The following RBM47 variants were observed in gnomAD, a reference collection of about 807,000 sequenced individuals.
RBM47 encodes RNA-binding protein 47.
RBM47 carries 21 observed loss-of-function variants against 47.1 expected under a neutral mutation model. The ratio of observed to expected loss-of-function variants is 0.45; its 90% CI spans 0.32 to 0.64. The LOEUF (loss-of-function observed/expected upper bound fraction) is 0.64. RBM47 is among the 30% of genes least tolerant of loss of function. The probability of loss-of-function intolerance (pLI) is 0.05; values close to 1 mark genes in which losing one functional copy is unlikely to be tolerated. For missense variants in RBM47, 708 were observed against 870.9 expected, an observed-to-expected ratio of 0.81 and a Z score of 2.35; for synonymous variants, 375 against 361.7, an observed-to-expected ratio of 1.04 and a Z score of -0.42.
Position 40,437,687 on chromosome 4 carries a change from A to C in RBM47, c.1123+84T>G. On this transcript the variant is annotated intron_variant, in intron 4 of 6. Transcript: ENST00000295971. ...CCTTCAGCACCTACCAGCTCAGCAA[A>C]TGCCAGCCACGGTATCCCTGGTGCC... The C allele has an allele frequency of 2.2e-6, 3 of 1,392,722 alleles. No individual in the cohort carries two copies. The East Asian group carries it at 6.9e-5, about 32-fold the overall frequency. The allele number at this position is 1,392,722 out of a possible 1,614,324, so 86.3% of individuals were successfully genotyped here.
chr4:40,607,269 T>C (rs550232196), intron 1 of RBM47, among the ~76,000 whole-genome samples: 2 of 152,168 alleles, frequency 1.3e-5, no homozygotes, highest in Non-Finnish European at 2.9e-5. Flanking sequence ...AGGCCACATA[T>C]CGTATGGTTC....
intron 1 of RBM47, among the ~76,000 whole-genome samples, chr4:40,598,224 G>A (rs140515537): frequency 3.5e-4 from 53 of 152,206 alleles, no homozygotes; most frequent in African/African-American, 1.0e-3. Flanking sequence ...ATTTACCATT[G>A]ACCCCAATCA....
At chr4:40,600,999 A>AAGAAAGAAAG (rs1553907561) in intron 1 of RBM47, among the ~76,000 whole-genome samples, 4 of 147,284 alleles carry the variant, frequency 2.7e-5, no homozygotes, top group Admixed American at 6.7e-5. Context: ...AAAAAAAAAA[A>AAGAAAGAAAG]AAAGAAAGAA....
At chr4:40,593,802 C>T (rs1371181568) in intron 1 of RBM47, among the ~76,000 whole-genome samples, 3 of 150,436 alleles carry the variant, frequency 2.0e-5, no homozygotes, top group South Asian at 2.1e-4. Flanking sequence ...GAGAATGGCG[C>T]GAACCTGGGA....
chr4:40,479,530 GC>G (rs1342325456), intron 2 of RBM47, among the ~76,000 whole-genome samples: 1 of 152,114 alleles, frequency 6.6e-6, no homozygotes, highest in Non-Finnish European at 1.5e-5. Context: ...GGAGGTTGAG[GC>G]TGCAGTGAGC....
At chr4:40,608,569 A>T (rs1368361501) in intron 1 of RBM47, among the ~76,000 whole-genome samples, 1 of 152,212 alleles carries the variant, frequency 6.6e-6, no homozygotes, top group Non-Finnish European at 1.5e-5. Flanking sequence ...AATAGCAATA[A>T]AAAGCCCTTT....
chr4:40,570,916 C>T (rs892507474), intron 1 of RBM47, among the ~76,000 whole-genome samples: 23 of 151,826 alleles, frequency 1.5e-4, no homozygotes, highest in African/African-American at 4.8e-4. Flanking sequence ...CACCTACATA[C>T]GAAAATAAAA....
intron 1 of RBM47, among the ~76,000 whole-genome samples, chr4:40,569,571 G>A (rs1045499644): frequency 7.5e-5 from 11 of 145,800 alleles, no homozygotes; most frequent in Admixed American, 1.4e-4. Context: ...CACCACACCC[G>A]GCTAATTTTT....
At position 40,609,862 on chromosome 4, in the gene RBM47, A is replaced by G. The variant is rs188769262; in HGVS notation, c.-240+19534T>C. On this transcript the variant is annotated intron_variant, in intron 1 of 6. Transcript: ENST00000295971. ...GTAATCCCAGCATTTTGGGAGGCTG[A>G]GGAGGGCAGATCACCTGAGGTCAGG... 1.1e-4 allele frequency among the ~76,000 whole-genome samples: 17 copies of G among 151,818 alleles called. No homozygotes were observed. The East Asian group carries it at 3.4e-3, about 30-fold the overall frequency.
At chr4:40,606,037 A>T (rs1168697097) in intron 1 of RBM47, among the ~76,000 whole-genome samples, 1 of 112,078 alleles carries the variant, frequency 8.9e-6, no homozygotes, top group Admixed American at 8.3e-5. Context: ...TTCTCTACTT[A>T]AAAAAAAAAA....
Position 40,470,557 on chromosome 4 carries a change from G to A in RBM47, c.-154-3858C>T, listed in dbSNP as rs534185560. Among the ~76,000 whole-genome samples, 17 of 152,216 alleles carry A rather than the reference G, an allele frequency of 1.1e-4. No homozygotes were observed. The South Asian group carries it at 3.1e-3, about 28-fold the overall frequency. ...GCTGTTTCAAGTCCATTTTTGGAATGAAGCATAGCATACATAAAACACTTG... is the reference window on the plus strand; with the variant it reads ...GCTGTTTCAAGTCCATTTTTGGAATAAAGCATAGCATACATAAAACACTTG... On this transcript the variant is annotated intron_variant, in intron 2 of 6. Coordinates refer to ENST00000295971, the MANE Select transcript of RBM47 (RefSeq NM_001098634.2).
intron 3 of RBM47, among the ~76,000 whole-genome samples, chr4:40,465,576 G>A (rs1357433396): frequency 1.3e-5 from 2 of 152,162 alleles, no homozygotes; most frequent in African/African-American, 4.8e-5. Flanking sequence ...CTACTCGGGA[G>A]GCTGAAGCAG....
At chr4:40,494,950 T>G (rs1444755646) in intron 2 of RBM47, among the ~76,000 whole-genome samples, 4 of 152,134 alleles carry the variant, frequency 2.6e-5, no homozygotes, top group Admixed American at 1.3e-4. Context: ...CATTTGTCGA[T>G]TGATTCCTTA....
At chr4:40,512,031 A>G (rs988888897) in intron 2 of RBM47, among the ~76,000 whole-genome samples, 3 of 152,176 alleles carry the variant, frequency 2.0e-5, no homozygotes, top group African/African-American at 7.2e-5. Flanking sequence ...AAGGAATGAC[A>G]AGTGTCTAGA....
chr4:40,592,974 TATATA>T (rs1445650011), intron 1 of RBM47, among the ~76,000 whole-genome samples: 1,163 of 17,338 alleles, frequency 0.067, 19 homozygotes, highest in Admixed American at 0.1. Flanking sequence ...TATATATATA[TATATA>T]TTTTTTTTTT....
chr4:40,510,480 C>G lies in RBM47; in HGVS notation c.-155+33942G>C, dbSNP rs192429797. Among the ~76,000 whole-genome samples, 116 of 152,178 alleles carry G rather than the reference C, an allele frequency of 7.6e-4. 1 individual carries two copies. The highest frequency in any genetic ancestry group is 2.6e-3 in the African/African-American group (110 of 41,522). On this transcript the variant is annotated intron_variant, in intron 2 of 6. Transcript: ENST00000295971. ...ACTTGTGATCCATGACCTAAGGGAA[C>G]TTAATATTTTAGCAAAAGAGGCAAG...
intron 2 of RBM47, among the ~76,000 whole-genome samples, chr4:40,519,031 T>TA (rs148362957): frequency 1.1e-3 from 155 of 142,652 alleles, no homozygotes; most frequent in East Asian, 2.8e-3. Flanking sequence ...CTTGTTTCTA[T>TA]AAAAAAAAAA....
intron 2 of RBM47, among the ~76,000 whole-genome samples, chr4:40,520,761 G>T (rs1263536129): frequency 2.6e-5 from 4 of 152,154 alleles, no homozygotes; most frequent in Non-Finnish European, 1.5e-5. Flanking sequence ...AGATGTGTAA[G>T]AAAGGGCCCA....
intron 1 of RBM47, among the ~76,000 whole-genome samples, chr4:40,560,696 G>T (rs945121410): frequency 2.6e-5 from 4 of 152,208 alleles, no homozygotes; most frequent in Non-Finnish European, 5.9e-5. Context: ...GCTGGGCGTG[G>T]TGGCTCATGC....
Sources: allele counts gnomAD v4.1 joint callset (sites outside exome capture counted in the v4.1 genomes callset), GRCh38; gene constraint gnomAD v4.1.1; transcripts MANE v1.5; gene names NCBI Gene and HGNC (gene_info 2026-07-23, HGNC 2026-07-21).